The following PAX5 variants were observed in gnomAD, a reference collection of about 807,000 sequenced individuals.
The protein encoded by PAX5 is paired box protein Pax-5.
A neutral mutation model predicts 43.7 loss-of-function variants in PAX5; 9 were observed. That is an observed-to-expected ratio of 0.21 (90% CI 0.12 to 0.36). PAX5 has a LOEUF of 0.36. Among genes scored for constraint, PAX5 ranks in the 10% least tolerant of loss-of-function variants. The probability of loss-of-function intolerance (pLI) is 1.00; values close to 1 mark genes in which losing one functional copy is unlikely to be tolerated. For synonymous variants in PAX5, 228 were observed against 214.3 expected (o/e 1.06, Z -0.56); for missense variants, 383 against 532.7 (o/e 0.72, Z 2.77).
At chr9:36,889,950 G>GC (rs1183683348) in intron 7 of PAX5, among the ~76,000 whole-genome samples, 1 of 140,960 alleles carries the variant, frequency 7.1e-6, no homozygotes, top group Non-Finnish European at 1.6e-5. Context: ...ACGGGGGGGG[G>GC]GGGAATGTGA....
Position 36,834,629 on chromosome 9 carries a change from T to G in PAX5, c.*5931A>C, listed in dbSNP as rs369249488. 15 of 233,332 alleles carry G rather than the reference T, an allele frequency of 6.4e-5. No homozygotes were observed. Among genetic ancestry groups the G allele is most frequent in the African/African-American group, 3.1e-4 (14 of 45,482 alleles). The allele number at this position is 233,332 out of a possible 1,614,324, so 14.5% of individuals were successfully genotyped here. A position where few individuals can be genotyped will look rare whatever the true frequency, so the allele number is the denominator to read the frequency against. ...CATTTCCTCAAATACAATAAAATAG[T>G]TTCATTAAAATGTATTCATGCTTGA... On this transcript the variant is annotated 3_prime_UTR_variant, in exon 10 of 10. Coordinates refer to ENST00000358127, the MANE Select transcript of PAX5 (RefSeq NM_016734.3).
chr9:37,002,586 C>T (rs1330289005), intron 5 of PAX5, 62 bp downstream of exon 5: 3 of 1,558,488 alleles, frequency 1.9e-6, no homozygotes, highest in Non-Finnish European at 2.6e-6. Flanking sequence ...CACCCGCGAC[C>T]GAGCGCCGGA....
intron 7 of PAX5, among the ~76,000 whole-genome samples, chr9:36,892,084 C>CAACT (rs2131818815): frequency 6.6e-6 from 1 of 152,336 alleles, no homozygotes; most frequent in Admixed American, 6.5e-5. Flanking sequence ...CCGGAACCAG[C>CAACT]AACTGTTGAG....
At chr9:36,987,302 C>G (rs1250609905) in intron 5 of PAX5, among the ~76,000 whole-genome samples, 2 of 152,182 alleles carry the variant, frequency 1.3e-5, no homozygotes, top group Admixed American at 1.3e-4. Flanking sequence ...ATTGTATGAC[C>G]TAAGTATATA....
At chr9:36,852,531 A>T (rs141376872) in intron 8 of PAX5, among the ~76,000 whole-genome samples, 23 of 152,338 alleles carry the variant, frequency 1.5e-4, no homozygotes, top group African/African-American at 5.3e-4. Flanking sequence ...GAACGCTGGC[A>T]GTCAAGGAGC....
In PAX5 at chr9:36,840,607, G is replaced by A. The variant is rs377685637; in HGVS notation, c.1129C>T (p.Arg377Ter). The A allele has an allele frequency of 1.3e-6, 2 of 1,579,220 alleles. No individual in the cohort carries two copies. The highest frequency in any genetic ancestry group is 1.9e-5 in the Admixed American group (1 of 53,686). Residue 377 changes from arginine to a stop codon, truncating the protein, a stop_gained, in exon 10 of 10, where the codon CGA becomes TGA. Coordinates refer to ENST00000358127, the MANE Select transcript of PAX5 (RefSeq NM_016734.3). LOFTEE classifies it high-confidence loss of function. ...GCGGCTGCAGGTGGGGCGGCTCCTC[G>A]GGCGGCAGCGCTATAATAGTAGGGG... is the stretch of plus-strand genomic sequence containing the variant. The part of the protein sequence containing the change: ...GSPYYYSAAA[R>*]GAAPPAAATA...
chr9:36,900,388 C>T (rs141821836), intron 7 of PAX5, among the ~76,000 whole-genome samples: 72 of 152,356 alleles, frequency 4.7e-4, no homozygotes, highest in Non-Finnish European at 8.1e-4. Flanking sequence ...ACAGCATGGC[C>T]GCTTCACAGA....
chr9:36,899,169 G>A (rs1355808790), intron 7 of PAX5, among the ~76,000 whole-genome samples: 2 of 152,108 alleles, frequency 1.3e-5, no homozygotes, highest in East Asian at 3.9e-4. Flanking sequence ...GCAGAGTCCT[G>A]GCAGGCGCCA....
intron 5 of PAX5, among the ~76,000 whole-genome samples, chr9:36,993,013 C>T (rs549215873): frequency 2.0e-5 from 3 of 152,312 alleles, no homozygotes; most frequent in African/African-American, 7.2e-5. Flanking sequence ...TGGTTTGCTG[C>T]ACCTGTTATT....
intron 7 of PAX5, among the ~76,000 whole-genome samples, chr9:36,891,034 G>A (rs1413438859): frequency 6.6e-6 from 1 of 152,138 alleles, no homozygotes; most frequent in Non-Finnish European, 1.5e-5. Context: ...AGCTACTCAG[G>A]AGGCTGAGGC....
intron 8 of PAX5, among the ~76,000 whole-genome samples, chr9:36,871,128 G>A (rs907143859): frequency 2.0e-5 from 3 of 152,232 alleles, no homozygotes; most frequent in Non-Finnish European, 2.9e-5. Context: ...GGAGGTGCCT[G>A]TAGCAGCGTG....
intron 1 of PAX5, among the ~76,000 whole-genome samples, chr9:37,026,903 G>T (rs911179490): frequency 6.6e-6 from 1 of 152,334 alleles, no homozygotes; most frequent in Non-Finnish European, 1.5e-5. Context: ...CGGGGGCATA[G>T]CGTAGGGGCC....
chr9:37,026,714 T>C lies in PAX5; in HGVS notation c.47-5913A>G, dbSNP rs145204247. On this transcript the variant is annotated intron_variant, in intron 1 of 9. Coordinates refer to ENST00000358127, the MANE Select transcript of PAX5 (RefSeq NM_016734.3). ...AGAAAACACTGCTGGAGCTTCGGGG[T>C]CTCTCTCAGAGCCTCCCTGCTGGAG... 7.6e-4 allele frequency: 981 copies of C among 1,285,812 alleles called. 1 individual carries two copies. Among genetic ancestry groups the C allele is most frequent in the Non-Finnish European group, 9.2e-4 (924 of 1,000,504 alleles). The allele number at this position is 1,285,812 out of a possible 1,614,324, so 79.7% of individuals were successfully genotyped here.
intron 7 of PAX5, among the ~76,000 whole-genome samples, chr9:36,921,309 ACT>A (rs1830153741): frequency 6.6e-6 from 1 of 151,932 alleles, no homozygotes. Context: ...TCTGCAGAAC[ACT>A]CTCCTCTGGG....
chr9:36,947,815 G>A (rs1429531536), intron 6 of PAX5, among the ~76,000 whole-genome samples: 2 of 149,904 alleles, frequency 1.3e-5, no homozygotes, highest in Non-Finnish European at 3.0e-5. Context: ...TTCCCAGACT[G>A]AACGCATATG....
At chr9:37,033,905 C>T in intron 1 of PAX5, 81 bp downstream of exon 1, 3 of 1,340,790 alleles carry the variant, frequency 2.2e-6, no homozygotes, top group Non-Finnish European at 3.2e-6. Context: ...CCCCCTCCTC[C>T]TCCAGGGTCA....
intron 8 of PAX5, among the ~76,000 whole-genome samples, chr9:36,872,993 T>C (rs1266515023): frequency 6.6e-6 from 1 of 152,216 alleles, no homozygotes; most frequent in Non-Finnish European, 1.5e-5. Context: ...CCCTCCCTGA[T>C]GCCCATGTTC....
intron 5 of PAX5, among the ~76,000 whole-genome samples, chr9:36,995,468 C>T (rs945372725): frequency 3.3e-5 from 5 of 151,998 alleles, no homozygotes; most frequent in East Asian, 1.9e-4. Context: ...GAGGTCAGTG[C>T]GGGGGGACGT....
chr9:36,894,989 C>G (rs1373279787), intron 7 of PAX5, among the ~76,000 whole-genome samples: 2 of 152,224 alleles, frequency 1.3e-5, no homozygotes, highest in African/African-American at 4.8e-5. Flanking sequence ...GGAAGGGGAA[C>G]CCCAACAGTC....
Sources: gnomAD v4.1 joint callset for allele counts (sites outside exome capture counted in the v4.1 genomes callset) on GRCh38, gnomAD v4.1.1 for gene constraint, MANE v1.5 for transcripts, NCBI Gene and HGNC (gene_info 2026-07-23, HGNC 2026-07-21) for gene names.